GORASP2: variants seen among roughly 807,000 people sequenced by gnomAD.
GORASP2 encodes Golgi reassembly-stacking protein 2.
GORASP2 carries 22 observed loss-of-function variants against 45.7 expected under a neutral mutation model. The observed-to-expected ratio is 0.48, with a 90% confidence interval of 0.34 to 0.69. The LOEUF (loss-of-function observed/expected upper bound fraction) is 0.69. GORASP2 is among the 30% of genes least tolerant of loss of function. GORASP2 has a pLI of 0.01. For missense variants in GORASP2, 491 were observed against 562.7 expected, an observed-to-expected ratio of 0.87 and a Z score of 1.29; for synonymous variants, 221 against 215.6, an observed-to-expected ratio of 1.02 and a Z score of -0.22.
chr2:170,955,266 G>C (rs559621165), intron 6 of GORASP2, among the ~76,000 whole-genome samples: 1 of 152,196 alleles, frequency 6.6e-6, no homozygotes, highest in Non-Finnish European at 1.5e-5. Flanking sequence ...CTTGCCAGGG[G>C]ACAAACAAAC....
At chr2:170,963,390 A>AT (rs1432745231) in intron 9 of GORASP2, among the ~76,000 whole-genome samples, 1 of 150,316 alleles carries the variant, frequency 6.7e-6, no homozygotes, top group Non-Finnish European at 1.5e-5. Flanking sequence ...AAAAAAAAAA[A>AT]AGCTTAAGAG....
intron 1 of GORASP2, among the ~76,000 whole-genome samples, chr2:170,930,994 G>A (rs1381130050): frequency 6.8e-6 from 1 of 146,586 alleles, no homozygotes; most frequent in Non-Finnish European, 1.5e-5. Context: ...AAAAAAAGTC[G>A]CGTGTTTGAA....
intron 1 of GORASP2, among the ~76,000 whole-genome samples, chr2:170,946,197 G>C (rs1704179492): frequency 6.6e-6 from 1 of 151,636 alleles, no homozygotes; most frequent in African/African-American, 2.4e-5. Flanking sequence ...TAGAAACAGG[G>C]GTCTCCCTAT....
At chr2:170,943,969 C>A (rs940539846) in intron 1 of GORASP2, among the ~76,000 whole-genome samples, 1 of 152,178 alleles carries the variant, frequency 6.6e-6, no homozygotes, top group Admixed American at 6.5e-5. Context: ...AGCCACCGTG[C>A]CTGGCCTTAA....
intron 9 of GORASP2, among the ~76,000 whole-genome samples, chr2:170,963,265 C>T (rs1010809413): frequency 6.6e-5 from 10 of 150,968 alleles, no homozygotes; most frequent in Admixed American, 4.0e-4. Flanking sequence ...GTCCCAGCTA[C>T]GCAGGAGGCT....
At chr2:170,959,592 T>C (rs1488816905) in intron 7 of GORASP2, among the ~76,000 whole-genome samples, 1 of 152,252 alleles carries the variant, frequency 6.6e-6, no homozygotes, top group Non-Finnish European at 1.5e-5. Context: ...TCTTCACTTT[T>C]CATTATATTG....
chr2:170,935,319 A>C (rs901597479), intron 1 of GORASP2, among the ~76,000 whole-genome samples: 5 of 151,632 alleles, frequency 3.3e-5, no homozygotes, highest in African/African-American at 4.9e-5. Context: ...CAGTGGCGCG[A>C]TCTCAGCTCA....
At chr2:170,952,541 C>T (rs1032960106) in intron 5 of GORASP2, among the ~76,000 whole-genome samples, 9 of 152,176 alleles carry the variant, frequency 5.9e-5, no homozygotes, top group Non-Finnish European at 1.3e-4. Context: ...CTTGCTGTTG[C>T]CTCAAGTGCA....
intron 4 of GORASP2, 124 bp downstream of exon 4, chr2:170,950,414 A>G: frequency 3.7e-6 from 2 of 535,512 alleles, no homozygotes; most frequent in Non-Finnish European, 6.6e-6. Context: ...GATCAAAAAT[A>G]ACTTAAGCCT....
At chr2:170,950,732 A>C (rs1374703901) in intron 4 of GORASP2, among the ~76,000 whole-genome samples, 1 of 152,210 alleles carries the variant, frequency 6.6e-6, no homozygotes, top group Non-Finnish European at 1.5e-5. Context: ...CCATAATCTC[A>C]GCACTTTGGG....
chr2:170,954,694 C>T lies in GORASP2; in HGVS notation c.611C>T (p.Thr204Ile). 1 of 1,613,026 alleles carries T rather than the reference C, an allele frequency of 6.2e-7. No homozygotes were observed. The highest frequency in any genetic ancestry group is 8.5e-7 in the Non-Finnish European group (1 of 1,179,038). The change falls in exon 6 of 10, where the codon ACA becomes ATA. Residue 204 changes from threonine (T) to isoleucine (I), a missense_variant. Around this residue, in one of 2 missense-constraint regions of GORASP2, gnomAD observed 194 missense variants for 270.4 expected, o/e 0.72. Coordinates refer to ENST00000234160, the MANE Select transcript of GORASP2 (RefSeq NM_015530.5). ...IGYGYLHRIP[T>I]RPFEEGKKIS... ...TATGGTTATTTGCATCGAATACCTACACGCCCATTTGAGGAAGGAAAGAAA... is the reference window on the plus strand; with the variant it reads ...TATGGTTATTTGCATCGAATACCTATACGCCCATTTGAGGAAGGAAAGAAA...
At chr2:170,950,620 T>C (rs1704279525) in intron 4 of GORASP2, among the ~76,000 whole-genome samples, 1 of 152,208 alleles carries the variant, frequency 6.6e-6, no homozygotes, top group Non-Finnish European at 1.5e-5. Flanking sequence ...AGTGACAGCA[T>C]TAGCTCAGCT....
chr2:170,937,183 G>C (rs1156946534), intron 1 of GORASP2, among the ~76,000 whole-genome samples: 1 of 152,010 alleles, frequency 6.6e-6, no homozygotes, highest in African/African-American at 2.4e-5. Flanking sequence ...ACTCCAGCCT[G>C]GGCGACAGAG....
chr2:170,951,423 T>C lies in GORASP2; in HGVS notation c.531T>C (p.Ile177=). The part of the protein sequence containing the change: ...NTDTDNCREV[I]ITPNSAWGGE... ...ACACTGATAACTGTCGAGAAGTGAT[T>C]ATTACACCAAATTCTGCATGGGGTG... Residue 177 remains isoleucine, a synonymous_variant, in exon 5 of 10, where the codon ATT becomes ATC. Coordinates refer to ENST00000234160, the MANE Select transcript of GORASP2 (RefSeq NM_015530.5). 1.2e-6 allele frequency: 2 copies of C among 1,611,902 alleles called. No individual in the cohort carries two copies. The highest frequency in any genetic ancestry group is 2.2e-5 in the South Asian group (2 of 90,684).
At chr2:170,961,795 C>A in intron 8 of GORASP2, 46 bp downstream of exon 8, 1 of 908,540 alleles carries the variant, frequency 1.1e-6, no homozygotes, top group Non-Finnish European at 1.9e-6. Context: ...AACAGTATTA[C>A]TGATATTTGC....
intron 9 of GORASP2, 61 bp from the exon 10 acceptor site, chr2:170,965,729 A>AC: frequency 8.7e-7 from 1 of 1,147,488 alleles, no homozygotes; most frequent in Non-Finnish European, 1.3e-6. Flanking sequence ...TAGCCCTTTG[A>AC]CAATGCCTGC....
At chr2:170,960,406 C>T (rs1704529955) in intron 7 of GORASP2, among the ~76,000 whole-genome samples, 1 of 152,208 alleles carries the variant, frequency 6.6e-6, no homozygotes, top group Non-Finnish European at 1.5e-5. Context: ...CTGAAGCCCA[C>T]TTGTGGGCCC....
chr2:170,965,057 T>C (rs913946782), intron 9 of GORASP2, among the ~76,000 whole-genome samples: 2 of 151,638 alleles, frequency 1.3e-5, no homozygotes, highest in Non-Finnish European at 2.9e-5. Flanking sequence ...ACCACAGGTG[T>C]GTGCCACCAC....
chr2:170,941,210 G>A (rs757532771), intron 1 of GORASP2, among the ~76,000 whole-genome samples: 2 of 152,092 alleles, frequency 1.3e-5, no homozygotes, highest in African/African-American at 2.4e-5. Context: ...GCCAGTTAAT[G>A]TGTTCATAAT....
Sources: allele counts gnomAD v4.1 joint callset (sites outside exome capture counted in the v4.1 genomes callset), GRCh38; gene constraint gnomAD v4.1.1; regional missense constraint gnomAD v4.1.1; transcripts MANE v1.5; gene names NCBI Gene and HGNC (gene_info 2026-07-23, HGNC 2026-07-21).